AHNAK: variants seen among roughly 807,000 people sequenced by gnomAD.
AHNAK encodes the protein neuroblast differentiation-associated protein AHNAK.
Under a neutral mutation model 37.8 loss-of-function variants are expected in AHNAK, and 23 were observed. The ratio of observed to expected loss-of-function variants is 0.61; its 90% CI spans 0.44 to 0.86. AHNAK has a LOEUF of 0.86. AHNAK is among the 40% of genes least tolerant of loss of function. The probability of loss-of-function intolerance (pLI) is 0.00; values close to 1 mark genes in which losing one functional copy is unlikely to be tolerated. For missense variants in AHNAK, 7,411 were observed against 7,319.4 expected, an observed-to-expected ratio of 1.01 and a Z score of -0.46; for synonymous variants, 2,481 against 2,636.3, an observed-to-expected ratio of 0.94 and a Z score of 1.80.
chr11:62,492,893 T>C (rs1198236146), intron 4 of AHNAK, among the ~76,000 whole-genome samples: 1 of 120,742 alleles, frequency 8.3e-6, no homozygotes, highest in Non-Finnish European at 1.6e-5. Context: ...AAAAGGGAGA[T>C]TGCTCTTCCC....
At chr11:62,510,776 T>TAC (rs1039999595) in intron 4 of AHNAK, among the ~76,000 whole-genome samples, 6 of 150,600 alleles carry the variant, frequency 4.0e-5, no homozygotes, top group African/African-American at 1.5e-4. Flanking sequence ...TATATATATA[T>TAC]ATGTATATGT....
chr11:62,526,695 G>A lies in AHNAK; in HGVS notation c.7722C>T (p.Ile2574=). 1 of 1,612,160 alleles carries A rather than the reference G, an allele frequency of 6.2e-7. No homozygotes were observed. ...GPKLKMPEMN[I]KAPKISMPDF... is the part of the protein sequence containing the mutation. ...CAGGCATGGAGATCTTGGGGGCTTT[G>A]ATGTTCATCTCTGGCATCTTTAACT... The change falls in exon 5 of 5, where the codon ATC becomes ATT. Residue 2574 remains isoleucine, a synonymous_variant. Transcript: ENST00000378024.
At chr11:62,491,040 G>C (rs1022739490) in intron 5 of AHNAK, among the ~76,000 whole-genome samples, 1 of 152,032 alleles carries the variant, frequency 6.6e-6, no homozygotes, top group African/African-American at 2.4e-5. Flanking sequence ...CGCCTGCCTC[G>C]GCCTCCCAAA....
Position 62,526,532 on chromosome 11 carries a change from C to T in AHNAK, c.7885G>A (p.Val2629Ile), listed in dbSNP as rs1245667192. ...KVDINAPDVG[V>I]QGPDWHLKMP... Reference sequence around the variant, plus strand: ...TTCAGGTGCCAGTCTGGGCCTTGAACACCCACATCTGGGGCATTAATATCC... The same window carrying T: ...TTCAGGTGCCAGTCTGGGCCTTGAATACCCACATCTGGGGCATTAATATCC... The change falls in exon 5 of 5, where the codon GTT becomes ATT. Residue 2629 changes from valine (V) to isoleucine (I), a missense_variant. Coordinates refer to ENST00000378024, the MANE Select transcript of AHNAK (RefSeq NM_001620.3). 1.9e-6 allele frequency: 3 copies of T among 1,612,590 alleles called. No homozygotes were observed. The highest frequency in any genetic ancestry group is 2.5e-6 in the Non-Finnish European group (3 of 1,179,790).
At chr11:62,437,466 T>C (rs1267377175) in intron 5 of AHNAK, among the ~76,000 whole-genome samples, 2 of 152,174 alleles carry the variant, frequency 1.3e-5, no homozygotes, top group African/African-American at 4.8e-5. Context: ...GTGATTCTCC[T>C]GCCTCAGCCT....
chr11:62,542,938 C>T (rs751819507), intron 1 of AHNAK, among the ~76,000 whole-genome samples: 3 of 152,184 alleles, frequency 2.0e-5, no homozygotes, highest in Admixed American at 6.5e-5. Flanking sequence ...TGCTCTCCCC[C>T]CAGCGGTCGG....
At chr11:62,434,792 T>C (rs113401024) in intron 5 of AHNAK, among the ~76,000 whole-genome samples, 2,687 of 151,720 alleles carry the variant, frequency 0.018, 86 homozygotes, top group African/African-American at 0.061. Flanking sequence ...ATTAGCCGGG[T>C]GTGGTGGCAC....
chr11:62,438,181 C>CTTT (rs777083537), intron 5 of AHNAK, among the ~76,000 whole-genome samples: 1 of 126,298 alleles, frequency 7.9e-6, no homozygotes, highest in African/African-American at 2.9e-5. Flanking sequence ...TTCTTTCTCT[C>CTTT]TTTTTTTTTT....
downstream of AHNAK, among the ~76,000 whole-genome samples, chr11:62,514,366 C>T (rs1939967619): frequency 6.6e-6 from 1 of 152,214 alleles, no homozygotes; most frequent in Non-Finnish European, 1.5e-5. Flanking sequence ...TGAGTGAAAG[C>T]AGCACCCCGG....
rs374771447 is a variant in AHNAK, at chr11:62,523,193, C to G, written c.11224G>C (p.Ala3742Pro). 6.2e-7 allele frequency: 1 copy of G among 1,613,988 alleles called. No individual in the cohort carries two copies. The highest frequency in any genetic ancestry group is 8.5e-7 in the Non-Finnish European group (1 of 1,180,004). The change falls in exon 5 of 5, where the codon GCT becomes CCT. Residue 3742 changes from alanine to proline, a missense_variant. Transcript: ENST00000378024. ...KFKIPEMHLKAPKISMPDIDL... is the reference protein window; with the variant it reads ...KFKIPEMHLKPPKISMPDIDL... ...ATGTCAGGCATCGATATTTTGGGAGCCTTCAGGTGCATCTCTGGTATCTTA... is the reference window on the plus strand; with the variant it reads ...ATGTCAGGCATCGATATTTTGGGAGGCTTCAGGTGCATCTCTGGTATCTTA...
intron 5 of AHNAK, among the ~76,000 whole-genome samples, chr11:62,470,833 A>G (rs1451530842): frequency 6.6e-6 from 1 of 151,976 alleles, no homozygotes; most frequent in Non-Finnish European, 1.5e-5. Context: ...AAAACTTCTA[A>G]ACAGCCACAT....
At chr11:62,481,647 G>GGCTCACTGCAAGCTCCGCTTC (rs1432453243) in intron 5 of AHNAK, among the ~76,000 whole-genome samples, 1 of 151,890 alleles carries the variant, frequency 6.6e-6, no homozygotes, top group Non-Finnish European at 1.5e-5. Flanking sequence ...ACACGATCTT[G>GGCTCACTGCAAGCTCCGCTTC]GCTCACTGCA....
intron 5 of AHNAK, among the ~76,000 whole-genome samples, chr11:62,465,696 T>TCCTCTGCTCAGCTTCTTG: frequency 6.6e-6 from 1 of 152,264 alleles, no homozygotes; most frequent in Non-Finnish European, 1.5e-5. Flanking sequence ...GAGTCAGCCC[T>TCCTCTGCTCAGCTTCTTG]GATCTAATGA....
At position 62,522,246 on chromosome 11, in the gene AHNAK, G is replaced by A. The variant is rs779314774; in HGVS notation, c.12171C>T (p.His4057=). The change falls in exon 5 of 5, where the codon CAC becomes CAT. Residue 4057 remains histidine (H), a synonymous_variant. Transcript: ENST00000378024. ...PDVDVHGPDW[H]LKMPKVKMPK... ...GCATTTTCACCTTGGGCATCTTCAG[G>A]TGCCAGTCTGGGCCATGAACATCCA... 7 of 1,612,048 alleles carry A rather than the reference G, an allele frequency of 4.3e-6. No homozygotes were observed. Among genetic ancestry groups the A allele is most frequent in the East Asian group, 4.5e-5 (2 of 44,770 alleles).
Position 62,524,062 on chromosome 11 carries a change from T to A in AHNAK, c.10355A>T (p.Lys3452Met). The change falls in exon 5 of 5, where the codon AAG becomes ATG. Residue 3452 changes from lysine to methionine, a missense_variant. Coordinates refer to ENST00000378024, the MANE Select transcript of AHNAK (RefSeq NM_001620.3). ...GDFKGPKVDI[K>M]APEVNLNAPD... ...TGCATTAAGATTGACTTCTGGTGCC[T>A]TAATATCCACTTTGGGGCCTTTAAA... The A allele has an allele frequency of 6.2e-7, 1 of 1,614,106 alleles. No individual in the cohort carries two copies. The highest frequency in any genetic ancestry group is 8.5e-7 in the Non-Finnish European group (1 of 1,180,024).
intron 5 of AHNAK, among the ~76,000 whole-genome samples, chr11:62,469,492 T>A (rs932662698): frequency 6.6e-6 from 1 of 151,880 alleles, no homozygotes; most frequent in Non-Finnish European, 1.5e-5. Context: ...CGAGACAGAG[T>A]CTCACTCCAT....
intron 4 of AHNAK, among the ~76,000 whole-genome samples, chr11:62,509,227 T>C (rs1223907134): frequency 6.7e-6 from 1 of 150,340 alleles, no homozygotes; most frequent in Admixed American, 6.6e-5. Flanking sequence ...TTCAAAAATA[T>C]CAGTGCCATG....
chr11:62,518,312 T>C lies in AHNAK; in HGVS notation c.16105A>G (p.Ser5369Gly). 1 of 1,614,192 alleles carries C rather than the reference T, an allele frequency of 6.2e-7. No individual in the cohort carries two copies. Among genetic ancestry groups the C allele is most frequent in the Non-Finnish European group, 8.5e-7 (1 of 1,180,026 alleles). The change falls in exon 5 of 5, where the codon AGC (serine) becomes GGC (glycine). Residue 5369 changes from serine (S) to glycine (G), a missense_variant. Coordinates refer to ENST00000378024, the MANE Select transcript of AHNAK (RefSeq NM_001620.3). The stretch of plus-strand genomic sequence containing the variant: ...GAGACAGCCAGATCTCCCTGCAGGC[T>C]TGGTCCCCTCAGTGTCACATCTGGT... Reference protein sequence around the residue: ...GAPDVTLRGPSLQGDLAVSGD... With the variant: ...GAPDVTLRGPGLQGDLAVSGD...
rs188789758 is a variant in AHNAK, at chr11:62,520,429, G to A, written c.13988C>T (p.Pro4663Leu). The A allele has an allele frequency of 6.4e-4, 1,031 of 1,613,968 alleles. No homozygotes were observed. The highest frequency in any genetic ancestry group is 8.4e-4 in the Non-Finnish European group (992 of 1,180,022). Reference sequence around the variant, plus strand: ...ATCTGGGCCCTCTCCTTTGAAGCCAGGCATGCTGAACTTGGGCATTTTCAC... The same window carrying A: ...ATCTGGGCCCTCTCCTTTGAAGCCAAGCATGCTGAACTTGGGCATTTTCAC... ...PKVKMPKFSM[P>L]GFKGEGPDVD... The change falls in exon 5 of 5, where the codon CCT (proline) becomes CTT (leucine). Residue 4663 changes from proline (P) to leucine (L), a missense_variant. Pro to Leu is a moderately conservative substitution (Grantham distance 98). Transcript: ENST00000378024.
Sources: allele counts gnomAD v4.1 joint callset (sites outside exome capture counted in the v4.1 genomes callset), GRCh38; gene constraint gnomAD v4.1.1; transcripts MANE v1.5; gene names NCBI Gene and HGNC (gene_info 2026-07-23, HGNC 2026-07-21).